The following PEBP4 variants were observed in gnomAD, a reference collection of about 807,000 sequenced individuals.
PEBP4 encodes phosphatidylethanolamine-binding protein 4.
Under a neutral mutation model 23.9 loss-of-function variants are expected in PEBP4, and 22 were observed. The ratio of observed to expected loss-of-function variants is 0.92; its 90% confidence interval spans 0.66 to 1.31. The LOEUF (loss-of-function observed/expected upper bound fraction) is 1.31. Ranked by LOEUF, PEBP4 falls within the 40% of genes most tolerant of loss-of-function variation. The pLI is 0.00. For synonymous variants in PEBP4, 112 were observed against 99.3 expected (o/e 1.13, Z -0.76); for missense variants, 324 against 281.7 (o/e 1.15, Z -1.07).
At chr8:22,890,302 C>T (rs1015968680) in intron 3 of PEBP4, among the ~76,000 whole-genome samples, 46 of 152,184 alleles carry the variant, frequency 3.0e-4, no homozygotes, top group Admixed American at 5.9e-4. Flanking sequence ...GGATGGGGCC[C>T]GCAATGGCAC....
At chr8:22,784,369 G>A (rs1258859056) in intron 4 of PEBP4, among the ~76,000 whole-genome samples, 1 of 152,238 alleles carries the variant, frequency 6.6e-6, no homozygotes, top group Non-Finnish European at 1.5e-5. Flanking sequence ...ACCAGAGAAG[G>A]AAGGAAGGGA....
chr8:22,777,466 G>T (rs1446023940), intron 4 of PEBP4, among the ~76,000 whole-genome samples: 2 of 152,136 alleles, frequency 1.3e-5, no homozygotes, highest in Non-Finnish European at 2.9e-5. Context: ...GGGGAACGCA[G>T]CCCTGAGACC....
At chr8:22,780,296 T>C (rs1805888907) in intron 4 of PEBP4, among the ~76,000 whole-genome samples, 1 of 152,050 alleles carries the variant, frequency 6.6e-6, no homozygotes, top group Non-Finnish European at 1.5e-5. Flanking sequence ...AGGAGAGGAA[T>C]TATACATTCC....
Position 22,713,284 on chromosome 8 carries a change from G to A in PEBP4, c.*86C>T, listed in dbSNP as rs190743735. ...GATTTTTTTTTTATTTGGAAAAGAAGGGGTTCTGTATCCAGAGGGGGTTCC... is the reference window on the plus strand; with the variant it reads ...GATTTTTTTTTTATTTGGAAAAGAAAGGGTTCTGTATCCAGAGGGGGTTCC... On this transcript the variant is annotated 3_prime_UTR_variant, in exon 7 of 7. Transcript: ENST00000256404. 3,477 of 1,463,256 alleles carry A rather than the reference G, an allele frequency of 2.4e-3. 9 individuals are homozygous for A. The highest frequency in any genetic ancestry group is 2.8e-3 in the Non-Finnish European group (3,154 of 1,106,762). 90.6% of individuals were successfully genotyped at this position (1,463,256 alleles called of 1,614,324 possible). A position where few individuals can be genotyped will look rare whatever the true frequency, so the allele number is the denominator to read the frequency against.
intron 4 of PEBP4, among the ~76,000 whole-genome samples, chr8:22,752,646 A>C (rs1455044031): frequency 6.6e-6 from 1 of 152,210 alleles, no homozygotes; most frequent in Non-Finnish European, 1.5e-5. Flanking sequence ...GCAACCAGAA[A>C]GTCTGGGCTA....
intron 6 of PEBP4, among the ~76,000 whole-genome samples, chr8:22,718,306 A>G (rs1804454029): frequency 6.6e-6 from 1 of 152,138 alleles, no homozygotes; most frequent in Admixed American, 6.5e-5. Context: ...TGGGGCAGGA[A>G]AGGGATCAGG....
chr8:22,907,870 G>A (rs1012923273), intron 3 of PEBP4, among the ~76,000 whole-genome samples: 3 of 152,180 alleles, frequency 2.0e-5, no homozygotes, highest in African/African-American at 7.2e-5. Flanking sequence ...TGGCCAGAGT[G>A]CTGATGGTGG....
At chr8:22,788,230 T>C (rs959675482) in intron 4 of PEBP4, among the ~76,000 whole-genome samples, 1 of 151,238 alleles carries the variant, frequency 6.6e-6, no homozygotes, top group Non-Finnish European at 1.5e-5. Context: ...GGTTTCAAAA[T>C]GGGAGAGGGC....
chr8:22,858,922 G>T (rs1264105269), intron 3 of PEBP4, among the ~76,000 whole-genome samples: 1 of 152,170 alleles, frequency 6.6e-6, no homozygotes, highest in Non-Finnish European at 1.5e-5. Flanking sequence ...ACTCCAGCCT[G>T]GGTGACAGAA....
intron 3 of PEBP4, among the ~76,000 whole-genome samples, chr8:22,875,170 C>T (rs1719592307): frequency 6.6e-6 from 1 of 152,060 alleles, no homozygotes; most frequent in African/African-American, 2.4e-5. Flanking sequence ...CCCCGAGACT[C>T]AGGTGCCTGA....
chr8:22,761,810 T>C (rs2128753033), intron 4 of PEBP4, among the ~76,000 whole-genome samples: 1 of 152,256 alleles, frequency 6.6e-6, no homozygotes, highest in East Asian at 1.9e-4. Flanking sequence ...TTTCTCGCTC[T>C]CTCTCTTTCT....
At chr8:22,736,325 G>A (rs1585243374) in intron 4 of PEBP4, among the ~76,000 whole-genome samples, 1 of 152,142 alleles carries the variant, frequency 6.6e-6, no homozygotes, top group African/African-American at 2.4e-5. Flanking sequence ...AGACAAGAGT[G>A]GGGGTGCGTT....
At chr8:22,764,745 G>T (rs1182478277) in intron 4 of PEBP4, among the ~76,000 whole-genome samples, 5 of 152,000 alleles carry the variant, frequency 3.3e-5, no homozygotes, top group Non-Finnish European at 2.9e-5. Context: ...TGCAGGTGCA[G>T]AGTGGGGATC....
chr8:22,809,088 G>T (rs1408455982), intron 4 of PEBP4, among the ~76,000 whole-genome samples: 1 of 152,176 alleles, frequency 6.6e-6, no homozygotes, highest in Non-Finnish European at 1.5e-5. Flanking sequence ...GCTTCCTATG[G>T]AGGATTGAGG....
chr8:22,920,399 T>C, intron 2 of PEBP4, 89 bp from the exon 3 acceptor site: 1 of 1,400,278 alleles, frequency 7.1e-7, no homozygotes, highest in Middle Eastern at 1.9e-4. Context: ...ATTGGGAATG[T>C]AAAGTGAAAT....
At chr8:22,789,122 TTTTTC>T (rs1298048520) in intron 4 of PEBP4, among the ~76,000 whole-genome samples, 1 of 152,208 alleles carries the variant, frequency 6.6e-6, no homozygotes, top group African/African-American at 2.4e-5. Flanking sequence ...AATGTCATTT[TTTTTC>T]TTTTCTTGGC....
chr8:22,778,087 C>T (rs1439483446), intron 4 of PEBP4, among the ~76,000 whole-genome samples: 1 of 152,088 alleles, frequency 6.6e-6, no homozygotes, highest in Non-Finnish European at 1.5e-5. Flanking sequence ...TCTCTAGTTG[C>T]CCCTGGAATT....
At chr8:22,877,647 G>A (rs1369671337) in intron 3 of PEBP4, among the ~76,000 whole-genome samples, 1 of 39,232 alleles carries the variant, frequency 2.5e-5, no homozygotes. Flanking sequence ...CTCACCCCAG[G>A]GGCCCACCAC....
At chr8:22,802,879 A>G (rs565842175) in intron 4 of PEBP4, among the ~76,000 whole-genome samples, 4 of 152,332 alleles carry the variant, frequency 2.6e-5, no homozygotes, top group African/African-American at 9.6e-5. Context: ...TGGTGTTATC[A>G]TCAAAATCTA....
Sources: gnomAD v4.1 joint callset for allele counts (sites outside exome capture counted in the v4.1 genomes callset) on GRCh38, gnomAD v4.1.1 for gene constraint, MANE v1.5 for transcripts, NCBI Gene and HGNC (gene_info 2026-07-23, HGNC 2026-07-21) for gene names.